The following TENM2 variants were observed in gnomAD, a reference collection of about 807,000 sequenced individuals.
TENM2 encodes the protein teneurin transmembrane protein 2.
Under a neutral mutation model 245.2 loss-of-function variants are expected in TENM2, and 52 were observed. The observed-to-expected ratio is 0.21, with a 90% CI of 0.17 to 0.27. The LOEUF (loss-of-function observed/expected upper bound fraction) is 0.27, where lower values mean the gene tolerates loss of function less well. Ranked by LOEUF, TENM2 falls within the 10% of genes least tolerant of loss-of-function variation. The probability of loss-of-function intolerance (pLI) is 1.00; values close to 1 mark genes in which losing one functional copy is unlikely to be tolerated. For synonymous variants in TENM2, 1,363 were observed against 1,438.9 expected, an observed-to-expected ratio of 0.95 and a Z score of 1.19; for missense variants, 3,046 against 3,666.8, an observed-to-expected ratio of 0.83 and a Z score of 4.37.
intron 2 of TENM2, among the ~76,000 whole-genome samples, chr5:167,387,902 G>A (rs1006610545): frequency 2.7e-4 from 41 of 151,896 alleles, no homozygotes; most frequent in African/African-American, 9.2e-4. Context: ...TTTTTATATG[G>A]TGTTGGATTC....
intron 2 of TENM2, among the ~76,000 whole-genome samples, chr5:167,494,150 C>A (rs1269486850): frequency 9.2e-5 from 14 of 152,068 alleles, no homozygotes; most frequent in Non-Finnish European, 1.8e-4. Flanking sequence ...GGAAACAGTA[C>A]TGGAAATGCA....
the TENM2 span, among the ~76,000 whole-genome samples, chr5:167,259,436 TC>T: frequency 6.6e-6 from 1 of 152,204 alleles, no homozygotes; most frequent in South Asian, 2.1e-4. Context: ...AACTAAAATA[TC>T]ATTTAAATAA....
the TENM2 span, among the ~76,000 whole-genome samples, chr5:167,184,700 C>T: frequency 9.9e-5 from 15 of 151,992 alleles, no homozygotes; most frequent in Non-Finnish European, 1.8e-4. Context: ...CTCCTTCTTA[C>T]GCCCTCATCC....
chr5:167,631,194 G>A (rs776149097), intron 2 of TENM2, among the ~76,000 whole-genome samples: 5 of 152,108 alleles, frequency 3.3e-5, no homozygotes, highest in Non-Finnish European at 4.4e-5. Flanking sequence ...TAAGCTTGGC[G>A]ATAAGTAAAC....
At chr5:167,892,425 A>G (rs6880465) in intron 3 of TENM2, among the ~76,000 whole-genome samples, 116,533 of 152,120 alleles carry the variant, frequency 0.77, 46,387 homozygotes, top group East Asian at 0.98. Flanking sequence ...GCCTCTAGGC[A>G]GAGGAGTGGT....
At chr5:167,258,817 T>C in the TENM2 span, among the ~76,000 whole-genome samples, 3 of 152,214 alleles carry the variant, frequency 2.0e-5, no homozygotes, top group Admixed American at 6.6e-5. Context: ...GATCATTCTT[T>C]GTTCCTCTAT....
chr5:167,004,604 T>A, the TENM2 span, among the ~76,000 whole-genome samples: 1 of 152,350 alleles, frequency 6.6e-6, no homozygotes, highest in South Asian at 2.1e-4. Flanking sequence ...TCTTTGTGTT[T>A]AAAACCAAAG....
chr5:167,123,742 G>T, the TENM2 span, among the ~76,000 whole-genome samples: 1 of 152,186 alleles, frequency 6.6e-6, no homozygotes, highest in Non-Finnish European at 1.5e-5. Context: ...GTAGATAAAT[G>T]CATCTGAAAT....
chr5:167,077,691 C>T, the TENM2 span, among the ~76,000 whole-genome samples: 6 of 152,138 alleles, frequency 3.9e-5, no homozygotes, highest in Admixed American at 6.6e-5. Flanking sequence ...TTATGTTTGT[C>T]AACTACCATT....
intron 2 of TENM2, among the ~76,000 whole-genome samples, chr5:167,848,819 C>A (rs189913951): frequency 7.9e-5 from 12 of 152,302 alleles, no homozygotes; most frequent in Admixed American, 6.5e-4. Flanking sequence ...TAAACGTCTT[C>A]CCCACTTCTA....
chr5:167,481,252 C>T (rs1036397712), intron 2 of TENM2, among the ~76,000 whole-genome samples: 1 of 152,180 alleles, frequency 6.6e-6, no homozygotes, highest in Admixed American at 6.5e-5. Flanking sequence ...CTGCAGCCCA[C>T]AGACCAAATA....
chr5:167,568,393 T>G (rs1774041618), intron 2 of TENM2, among the ~76,000 whole-genome samples: 1 of 152,098 alleles, frequency 6.6e-6, no homozygotes, highest in Non-Finnish European at 1.5e-5. Context: ...TAGGCAAAAT[T>G]GAATGGCTCA....
chr5:168,227,267 T>TATC (rs1764285894), intron 24 of TENM2, among the ~76,000 whole-genome samples: 1 of 152,178 alleles, frequency 6.6e-6, no homozygotes. Context: ...ATAAACACAT[T>TATC]ATCAGCACCC....
intron 2 of TENM2, among the ~76,000 whole-genome samples, chr5:167,811,856 A>G (rs916639755): frequency 6.6e-6 from 1 of 152,168 alleles, no homozygotes; most frequent in African/African-American, 2.4e-5. Context: ...AAGGTAGGAT[A>G]ATCACAACTG....
At chr5:167,606,024 T>C (rs4869062) in intron 2 of TENM2, among the ~76,000 whole-genome samples, 80,591 of 152,008 alleles carry the variant, frequency 0.53, 24,035 homozygotes, top group Middle Eastern at 0.67. Context: ...ACAACACAAC[T>C]AAGACATAGC....
At chr5:167,430,864 G>T (rs1458951207) in intron 2 of TENM2, among the ~76,000 whole-genome samples, 1 of 152,088 alleles carries the variant, frequency 6.6e-6, no homozygotes. Flanking sequence ...AGATAATTTG[G>T]TCCACAGTTT....
intron 2 of TENM2, among the ~76,000 whole-genome samples, chr5:167,650,920 A>T (rs1282780228): frequency 6.6e-6 from 1 of 152,156 alleles, no homozygotes; most frequent in Non-Finnish European, 1.5e-5. Flanking sequence ...TAACCATTAG[A>T]CTTGGAAGTA....
At chr5:167,856,316 G>A (rs1010139151) in intron 2 of TENM2, among the ~76,000 whole-genome samples, 1 of 152,000 alleles carries the variant, frequency 6.6e-6, no homozygotes, top group Admixed American at 6.6e-5. Context: ...TTTGCACCAC[G>A]CTTTGAGATC....
chr5:167,712,021 T>G (rs1758943579), intron 2 of TENM2, among the ~76,000 whole-genome samples: 1 of 152,198 alleles, frequency 6.6e-6, no homozygotes. Context: ...AAAAATACTG[T>G]CTTTGTTAGC....
Sources: gnomAD v4.1 joint callset for allele counts (sites outside exome capture counted in the v4.1 genomes callset) on GRCh38, gnomAD v4.1.1 for gene constraint, MANE v1.5 for transcripts, NCBI Gene and HGNC (gene_info 2026-07-23, HGNC 2026-07-21) for gene names.